The following MYO1H variants were observed in gnomAD, a reference collection of about 807,000 sequenced individuals.
The protein encoded by MYO1H is myosin IH.
A neutral mutation model predicts 149.3 loss-of-function variants in MYO1H; 118 were observed. The observed-to-expected ratio is 0.79, with a 90% CI of 0.68 to 0.92. MYO1H has a LOEUF of 0.92. Ranked by LOEUF, MYO1H falls within the 40% of genes least tolerant of loss-of-function variation. The probability of loss-of-function intolerance (pLI) is 0.00; values close to 1 mark genes in which losing one functional copy is unlikely to be tolerated. For missense variants in MYO1H, 1,212 were observed against 1,280.7 expected (o/e 0.95, Z 0.82); for synonymous variants, 447 against 465.2 (o/e 0.96, Z 0.50).
chr12:109,387,083 CTTTCTT>C (rs534114016), intron 1 of MYO1H, among the ~76,000 whole-genome samples: 239 of 143,592 alleles, frequency 1.7e-3, no homozygotes, highest in African/African-American at 6.0e-3. Flanking sequence ...TGCATTTTTA[CTTTCTT>C]TTTCTATTTA....
At chr12:109,443,946 C>T (rs528176331) in intron 28 of MYO1H, among the ~76,000 whole-genome samples, 4 of 152,012 alleles carry the variant, frequency 2.6e-5, no homozygotes, top group Admixed American at 1.3e-4. Context: ...CCTCCCCTAG[C>T]GTTGCCCAGC....
chr12:109,396,836 T>G (rs868143707), intron 4 of MYO1H, among the ~76,000 whole-genome samples: 3 of 135,046 alleles, frequency 2.2e-5, no homozygotes, highest in East Asian at 2.1e-4. Flanking sequence ...TTTTTTTTTT[T>G]TTTTTTTTGA....
intron 18 of MYO1H, among the ~76,000 whole-genome samples, chr12:109,427,021 A>G (rs1027976535): frequency 6.6e-6 from 1 of 152,152 alleles, no homozygotes; most frequent in South Asian, 2.1e-4. Context: ...CCCATTTAAA[A>G]AGCACAATTG....
rs747073389 is a variant in MYO1H at position 109,442,795 on chromosome 12, CTTTT to C, written c.2688+543_2688+546del. Among the ~76,000 whole-genome samples the C allele has an allele frequency of 2.6e-4, 24 of 94,036 alleles. 1 individual carries two copies. Among genetic ancestry groups the C allele is most frequent in the African/African-American group, 6.7e-4 (17 of 25,320 alleles). The allele number at this position is 94,036 out of a possible 152,430, so 61.7% of individuals were successfully genotyped here. On this transcript the variant is annotated intron_variant, in intron 27 of 31. Transcript: ENST00000310903. ...GTGATCGTGTGTGCCAGTGTCTGCT[CTTTT>C]TTTTTTTTTTTTTTTTTTTGTTCCC...
chr12:109,358,581 A>G (rs1868660233), intron 1 of MYO1H, among the ~76,000 whole-genome samples: 1 of 152,222 alleles, frequency 6.6e-6, no homozygotes, highest in African/African-American at 2.4e-5. Flanking sequence ...GAGGGAAAAT[A>G]CAACAGAATT....
chr12:109,386,519 T>G (rs1405672046), intron 1 of MYO1H, among the ~76,000 whole-genome samples: 2 of 152,200 alleles, frequency 1.3e-5, no homozygotes, highest in Non-Finnish European at 2.9e-5. Flanking sequence ...GTATTTGGTG[T>G]TGTCAGTGTT....
intron 1 of MYO1H, among the ~76,000 whole-genome samples, chr12:109,355,874 A>T (rs372556383): frequency 7.5e-5 from 11 of 147,508 alleles, no homozygotes; most frequent in East Asian, 4.0e-4. Flanking sequence ...CGCCCAGCAA[A>T]TTTTTTTTTT....
intron 1 of MYO1H, among the ~76,000 whole-genome samples, chr12:109,356,554 G>A (rs887954873): frequency 2.0e-5 from 3 of 152,034 alleles, no homozygotes. Context: ...TTTATCAGTA[G>A]GAAGTAGTGC....
chr12:109,313,773 A>G, the MYO1H span, among the ~76,000 whole-genome samples: 1 of 150,112 alleles, frequency 6.7e-6, no homozygotes, highest in Non-Finnish European at 1.5e-5. Context: ...TTGCAAGAGC[A>G]TTTTTTTTTT....
intron 19 of MYO1H, among the ~76,000 whole-genome samples, chr12:109,427,938 T>TATATATATATATA (rs1871448738): frequency 1.7e-5 from 1 of 60,298 alleles, no homozygotes; most frequent in African/African-American, 6.8e-5. Flanking sequence ...ATATATATAT[T>TATATATATATATA]AGATGGGTGT....
At chr12:109,327,134 C>CTTTTTTTTTTTTTTTTTTTTTTTT in the MYO1H span, among the ~76,000 whole-genome samples, 1 of 94,744 alleles carries the variant, frequency 1.1e-5, no homozygotes, top group African/African-American at 4.6e-5. Context: ...TTTTCTTTTT[C>CTTTTTTTTTTTTTTTTTTTTTTTT]TTTTTTTTTT....
intron 31 of MYO1H, 121 bp downstream of exon 31, chr12:109,445,733 C>T (rs971745090): frequency 1.4e-6 from 2 of 1,385,330 alleles, no homozygotes; most frequent in South Asian, 3.7e-5. Context: ...TCATTTCTGC[C>T]CTCTATTCCT....
At chr12:109,446,759 A>C (rs1464099085) in intron 31 of MYO1H, among the ~76,000 whole-genome samples, 1 of 152,242 alleles carries the variant, frequency 6.6e-6, no homozygotes, top group Non-Finnish European at 1.5e-5. Context: ...GTGAGACTCC[A>C]TCTCAAAAAA....
chr12:109,405,810 C>CG, intron 7 of MYO1H, 112 bp from the exon 8 acceptor site: 2 of 735,368 alleles, frequency 2.7e-6, no homozygotes, highest in Admixed American at 2.3e-5. Flanking sequence ...GGAATTGGGA[C>CG]GGGGGCATTT....
At chr12:109,421,113 A>ATTT (rs57928470) in intron 16 of MYO1H, 86 bp downstream of exon 16, 2 of 756,480 alleles carry the variant, frequency 2.6e-6, no homozygotes, top group Admixed American at 3.0e-5. Flanking sequence ...CGCCTTCTGG[A>ATTT]TTTTTTTTTT....
intron 27 of MYO1H, among the ~76,000 whole-genome samples, chr12:109,442,795 CTTTTTTTTT>C (rs747073389): frequency 3.2e-5 from 3 of 94,040 alleles, no homozygotes; most frequent in African/African-American, 7.9e-5. Context: ...AGTGTCTGCT[CTTTTTTTTT>C]TTTTTTTTTT....
intron 1 of MYO1H, among the ~76,000 whole-genome samples, chr12:109,371,241 G>A (rs1394567391): frequency 4.5e-5 from 6 of 133,822 alleles, no homozygotes; most frequent in African/African-American, 1.4e-4. Context: ...TTTGAAATAG[G>A]GTCTCACTCT....
At chr12:109,420,104 C>G (rs1448991766) in intron 15 of MYO1H, among the ~76,000 whole-genome samples, 1 of 152,118 alleles carries the variant, frequency 6.6e-6, no homozygotes, top group East Asian at 1.9e-4. Context: ...GCTGGCTGTC[C>G]TTGAAGTTCA....
chr12:109,355,596 A>T (rs1367712662), intron 1 of MYO1H, among the ~76,000 whole-genome samples: 3 of 152,196 alleles, frequency 2.0e-5, no homozygotes, highest in African/African-American at 4.8e-5. Context: ...CCAGGATGCT[A>T]AAGTTTGCAT....
Sources: gnomAD v4.1 joint callset for allele counts (sites outside exome capture counted in the v4.1 genomes callset) on GRCh38, gnomAD v4.1.1 for gene constraint, MANE v1.5 for transcripts, NCBI Gene and HGNC (gene_info 2026-07-23, HGNC 2026-07-21) for gene names.